SIGLEC5: variants seen among roughly 807,000 people sequenced by gnomAD.
SIGLEC5 encodes the protein sialic acid-binding Ig-like lectin 5.
In SIGLEC5, 34 loss-of-function variants were observed where a neutral mutation model predicts 45.9. That is an observed-to-expected ratio of 0.74 (90% CI 0.56 to 0.99). The LOEUF is 0.99. Among genes scored for constraint, SIGLEC5 ranks in the 50% least tolerant of loss-of-function variants. The pLI is 0.00. For missense variants in SIGLEC5, 508 were observed against 629.6 expected (o/e 0.81, Z 2.07); for synonymous variants, 203 against 258.6 (o/e 0.79, Z 2.06).
chr19:51,624,820 T>A (rs929695956), intron 8 of SIGLEC5, among the ~76,000 whole-genome samples: 8 of 151,822 alleles, frequency 5.3e-5, no homozygotes, highest in African/African-American at 1.9e-4. Context: ...AATACAAAAA[T>A]TAGCCAGGTG....
At chr19:51,626,827 T>G (rs952291035) in intron 7 of SIGLEC5, among the ~76,000 whole-genome samples, 34 of 152,182 alleles carry the variant, frequency 2.2e-4, no homozygotes, top group Admixed American at 1.0e-3. Context: ...GTACAAAACA[T>G]GTATCTCAAT....
chr19:51,627,713 C>CA lies in SIGLEC5; in HGVS notation c.1030dup (p.Trp344LeufsTer4). On this transcript the variant is annotated frameshift_variant, in exon 6 of 9. Coordinates refer to ENST00000683636, the MANE Select transcript of SIGLEC5 (RefSeq NM_003830.4). LOFTEE classifies it high-confidence loss of function. ...TCTGCAGTGCAGACCCTCAGCCTCC[C>CA]AGGAGCAGGAGGGGCCCAGCAACTG... 1 of 1,595,778 alleles carries CA rather than the reference C, an allele frequency of 6.3e-7. No homozygotes were observed. The highest frequency in any genetic ancestry group is 8.6e-7 in the Non-Finnish European group (1 of 1,169,136).
At position 51,612,108 on chromosome 19, in the gene SIGLEC5, AAC is replaced by A; in HGVS notation, c.*121_*122del. 2 of 240,132 alleles carry A rather than the reference AAC, an allele frequency of 8.3e-6. No individual in the cohort carries two copies. The highest frequency in any genetic ancestry group is 1.4e-5 in the Non-Finnish European group (2 of 146,434). 14.9% of individuals were successfully genotyped at this position (240,132 alleles called of 1,614,324 possible). A position where few individuals can be genotyped will look rare whatever the true frequency, so the allele number is the denominator to read the frequency against. ...TAATTCCATCTGCTTGGAGCACTTA[AAC>A]ATCAGTTAATGTTAACATTGCCACA... On this transcript the variant is annotated 3_prime_UTR_variant, in exon 9 of 9. Transcript: ENST00000683636.
intron 8 of SIGLEC5, among the ~76,000 whole-genome samples, chr19:51,625,782 A>G (rs995778987): frequency 6.6e-6 from 1 of 152,188 alleles, no homozygotes; most frequent in Admixed American, 6.5e-5. Context: ...GTGAGCCAAG[A>G]TCGCACCATT....
Position 51,629,076 on chromosome 19 carries a change from T to C in SIGLEC5, c.701A>G (p.Tyr234Cys). The C allele has an allele frequency of 6.2e-7, 1 of 1,613,758 alleles. No individual in the cohort carries two copies. Among genetic ancestry groups the C allele is most frequent in the Non-Finnish European group, 8.5e-7 (1 of 1,179,870 alleles). ...TERTVQLNVS[Y>C]APQTITIFRN... is the part of the protein sequence containing the mutation. ...GAAGATGGTGATGGTCTGTGGAGCA[T>C]CTGGGATAAAAAGATATAAACTTGG... The change falls in exon 4 of 9, where the codon TAT becomes TGT. Residue 234 changes from tyrosine to cysteine, a missense_variant and splice_region_variant. Physicochemically the swap from Tyr to Cys is radical, Grantham distance 194. This residue lies in a region of SIGLEC5 where 431 missense variants were observed against 428.8 expected (regional missense o/e 1.01). Coordinates refer to ENST00000683636, the MANE Select transcript of SIGLEC5 (RefSeq NM_003830.4).
chr19:51,615,933 C>T (rs917028613), intron 8 of SIGLEC5, among the ~76,000 whole-genome samples: 4 of 152,210 alleles, frequency 2.6e-5, no homozygotes, highest in African/African-American at 9.6e-5. Context: ...TGTGCCACCA[C>T]ACCTGGCTAA....
chr19:51,625,037 T>G (rs981519055), intron 8 of SIGLEC5, among the ~76,000 whole-genome samples: 2 of 151,952 alleles, frequency 1.3e-5, no homozygotes, highest in African/African-American at 2.4e-5. Context: ...AGTGGTGATG[T>G]GTGATGGGGA....
Position 51,629,973 on chromosome 19 carries a change from C to A in SIGLEC5, c.281G>T (p.Gly94Val). ...PETQGRFRLL[G>V]DVQKKNCSLS... is the part of the protein sequence containing the mutation. Reference sequence around the variant, plus strand: ...GGAGCAGTTCTTCTTCTGGACATCCCCAAGGAGGCGGAATCGGCCCTGGGT... The same window carrying A: ...GGAGCAGTTCTTCTTCTGGACATCCACAAGGAGGCGGAATCGGCCCTGGGT... Residue 94 changes from glycine (G) to valine (V), a missense_variant, in exon 2 of 9, where the codon GGG becomes GTG. By Grantham distance (109) the Gly-to-Val change is moderately radical. Around this residue, in one of 2 missense-constraint regions of SIGLEC5, gnomAD observed 77 missense variants for 200.8 expected, o/e 0.38. Transcript: ENST00000683636. 9.9e-7 allele frequency: 1 copy of A among 1,007,742 alleles called. No homozygotes were observed. The highest frequency in any genetic ancestry group is 1.4e-6 in the Non-Finnish European group (1 of 698,826). The allele number at this position is 1,007,742 out of a possible 1,614,324, so 62.4% of individuals were successfully genotyped here.
chr19:51,613,867 C>A (rs1982950019), intron 8 of SIGLEC5, among the ~76,000 whole-genome samples: 1 of 151,824 alleles, frequency 6.6e-6, no homozygotes, highest in African/African-American at 2.4e-5. Context: ...AGACATAGAC[C>A]CTGACCTAGG....
At chr19:51,628,561 G>A (rs910694825) in intron 4 of SIGLEC5, among the ~76,000 whole-genome samples, 1 of 152,192 alleles carries the variant, frequency 6.6e-6, no homozygotes, top group Admixed American at 6.5e-5. Flanking sequence ...TGAGCAGAGT[G>A]CATGAGTGTG....
intron 7 of SIGLEC5, 31 bp downstream of exon 7, chr19:51,627,118 A>G: frequency 6.4e-7 from 1 of 1,562,094 alleles, no homozygotes. Context: ...TACAAACACC[A>G]CCCTGTACCT....
At position 51,627,652 on chromosome 19, in the gene SIGLEC5, G is replaced by T. The variant is rs775470571; in HGVS notation, c.1092C>A (p.Cys364Ter). 1.2e-6 allele frequency: 2 copies of T among 1,611,986 alleles called. No homozygotes were observed. The highest frequency in any genetic ancestry group is 1.7e-6 in the Non-Finnish European group (2 of 1,179,488). The change falls in exon 6 of 9, where the codon TGC (cysteine) becomes TGA (stop). Residue 364 changes from cysteine to a stop codon, truncating the protein, a stop_gained. Coordinates refer to ENST00000683636, the MANE Select transcript of SIGLEC5 (RefSeq NM_003830.4). LOFTEE classifies it high-confidence loss of function. ...SFRARPAPSL[C>*]WRLEEKPLEG... ...CCAGCGGCTTCTCCTCAAGCCGCCA[G>T]CACAGGGAGGGGGCCGGCCGGGCTC...
At chr19:51,613,745 G>A (rs1982945301) in intron 8 of SIGLEC5, among the ~76,000 whole-genome samples, 2 of 152,138 alleles carry the variant, frequency 1.3e-5, no homozygotes, top group Non-Finnish European at 2.9e-5. Flanking sequence ...GAGGTGGAGA[G>A]AGGTTAAGTA....
chr19:51,612,446 G>A (rs770816073), intron 8 of SIGLEC5, 24 bp from the exon 9 acceptor site: 17 of 1,536,296 alleles, frequency 1.1e-5, no homozygotes, highest in Non-Finnish European at 1.2e-5. Flanking sequence ...AAGGAAAGGT[G>A]TCACAGTAGG....
In SIGLEC5 at chr19:51,627,891, A is replaced by C. The variant is rs1213697906; in HGVS notation, c.940T>G (p.Cys314Gly). 1 of 1,613,512 alleles carries C rather than the reference A, an allele frequency of 6.2e-7. No homozygotes were observed. Reference protein sequence around the residue: ...VRSAEEGGFTCRAQHPLGFLQ... With the variant: ...VRSAEEGGFTGRAQHPLGFLQ... ...AAGCCCAGCGGGTGCTGAGCGCGGC[A>C]GGTGAAGCCTCCTTCTTCTGCAGAC... Residue 314 changes from cysteine (C) to glycine (G), a missense_variant, in exon 5 of 9, where the codon TGC becomes GGC. Around this residue, in one of 2 missense-constraint regions of SIGLEC5, gnomAD observed 431 missense variants for 428.8 expected, o/e 1.01. Coordinates refer to ENST00000683636, the MANE Select transcript of SIGLEC5 (RefSeq NM_003830.4).
At position 51,618,785 on chromosome 19, in the gene SIGLEC5, C is replaced by CT. The variant is rs1196516551; in HGVS notation, c.1465-6364dup. Among the ~76,000 whole-genome samples the CT allele has an allele frequency of 1.2e-4, 10 of 83,250 alleles. No homozygotes were observed. The South Asian group carries it at 4.5e-3, about 38-fold the overall frequency. 54.6% of individuals were successfully genotyped at this position (83,250 alleles called of 152,430 possible). The stretch of plus-strand genomic sequence containing the variant: ...GCCGCCTGGGTGACAGAGTGAGACT[C>CT]TGTCTCCAAAAAAAAAAAAAAAAAA... On this transcript the variant is annotated intron_variant, in intron 8 of 8. Coordinates refer to ENST00000683636, the MANE Select transcript of SIGLEC5 (RefSeq NM_003830.4).
intron 8 of SIGLEC5, among the ~76,000 whole-genome samples, chr19:51,612,757 A>C (rs1230943532): frequency 6.6e-6 from 1 of 152,166 alleles, no homozygotes; most frequent in Non-Finnish European, 1.5e-5. Context: ...CCTCTCAGTC[A>C]CAGTGTGGCT....
intron 8 of SIGLEC5, among the ~76,000 whole-genome samples, chr19:51,620,171 C>T (rs748721215): frequency 2.0e-5 from 3 of 151,952 alleles, no homozygotes; most frequent in Non-Finnish European, 4.4e-5. Context: ...CGCCACCAGG[C>T]CCAGGTAGTT....
At chr19:51,614,055 C>T (rs547701734) in intron 8 of SIGLEC5, among the ~76,000 whole-genome samples, 3 of 152,164 alleles carry the variant, frequency 2.0e-5, no homozygotes, top group Non-Finnish European at 4.4e-5. Flanking sequence ...TACAAGTAAG[C>T]AATTTCTTTC....
Sources: gnomAD v4.1 joint callset for allele counts (sites outside exome capture counted in the v4.1 genomes callset) on GRCh38, gnomAD v4.1.1 for gene constraint, gnomAD v4.1.1 regional missense constraint, MANE v1.5 for transcripts, NCBI Gene and HGNC (gene_info 2026-07-23, HGNC 2026-07-21) for gene names.